Variants in RECQL observed in about 807,000 individuals in gnomAD.
RECQL encodes ATP-dependent DNA helicase Q1.
Under a neutral mutation model 75.8 loss-of-function variants are expected in RECQL, and 73 were observed. That is an observed-to-expected ratio of 0.96 (90% CI 0.80 to 1.17). RECQL has a LOEUF of 1.17. RECQL is among the 50% of genes most tolerant of loss of function. RECQL has a pLI of 0.00. For synonymous variants in RECQL, 248 were observed against 254.4 expected, an observed-to-expected ratio of 0.97 and a Z score of 0.24; for missense variants, 699 against 772.1, an observed-to-expected ratio of 0.91 and a Z score of 1.12.
chr12:21,477,187 TA>T (rs1233245754), intron 7 of RECQL, among the ~76,000 whole-genome samples, 195 bp from the exon 8 acceptor site: 5 of 152,122 alleles, frequency 3.3e-5, no homozygotes, highest in Admixed American at 6.6e-5. Flanking sequence ...TTTATTTTTT[TA>T]ATTTACCAGA....
At chr12:21,491,413 T>G (rs888546055) in intron 3 of RECQL, 106 bp downstream of exon 3, 2 of 1,107,300 alleles carry the variant, frequency 1.8e-6, no homozygotes, top group African/African-American at 3.2e-5. Flanking sequence ...ATGGCCAGTT[T>G]CACCTCTAAG....
intron 6 of RECQL, among the ~76,000 whole-genome samples, chr12:21,478,718 C>T (rs1235230269): frequency 6.6e-6 from 1 of 152,150 alleles, no homozygotes; most frequent in African/African-American, 2.4e-5. Context: ...ATTACATCTC[C>T]CAGAATCTCT....
chr12:21,472,105 A>G (rs1263153273), intron 12 of RECQL, among the ~76,000 whole-genome samples: 3 of 152,126 alleles, frequency 2.0e-5, no homozygotes, highest in Non-Finnish European at 4.4e-5. Flanking sequence ...ATTTTATAAG[A>G]TAGTCTAATA....
chr12:21,499,660 T>C (rs1943569736), intron 1 of RECQL, 45 bp from the exon 2 acceptor site: 1 of 1,016,514 alleles, frequency 9.8e-7, no homozygotes, highest in South Asian at 1.4e-5. Context: ...TTAAAAATAG[T>C]ACTATTAATG....
chr12:21,471,284 A>T, intron 13 of RECQL, 144 bp downstream of exon 13: 1 of 960,166 alleles, frequency 1.0e-6, no homozygotes, highest in Non-Finnish European at 1.5e-6. Context: ...TATAGTGATT[A>T]AAGTTTGAGT....
At chr12:21,478,118 C>G in intron 6 of RECQL, 149 bp from the exon 7 acceptor site, 1 of 634,746 alleles carries the variant, frequency 1.6e-6, no homozygotes, top group East Asian at 3.0e-5. Flanking sequence ...GTGTTAGCCT[C>G]TTTGATGGGC....
chr12:21,489,934 C>T (rs182952320), intron 4 of RECQL, among the ~76,000 whole-genome samples: 10 of 152,182 alleles, frequency 6.6e-5, no homozygotes, highest in African/African-American at 2.2e-4. Flanking sequence ...ACTACTTGGA[C>T]GATGGATCAT....
chr12:21,475,007 A>G (rs1241786210), intron 10 of RECQL, 28 bp from the exon 11 acceptor site: 1 of 1,599,664 alleles, frequency 6.3e-7, no homozygotes, highest in Admixed American at 1.7e-5. Context: ...TTGAGATTGC[A>G]GAATTACATT....
chr12:21,478,177 CAA>C (rs948080985), intron 6 of RECQL, among the ~76,000 whole-genome samples: 2 of 151,922 alleles, frequency 1.3e-5, no homozygotes, highest in Non-Finnish European at 1.5e-5. Flanking sequence ...ACGGTGGACT[CAA>C]GAGACAGTGG....
chr12:21,500,345 A>G (rs765770202), intron 1 of RECQL, among the ~76,000 whole-genome samples: 4 of 152,174 alleles, frequency 2.6e-5, no homozygotes, highest in Non-Finnish European at 5.9e-5. Context: ...ATGGGGCTGG[A>G]GAGTAGAAAC....
rs1259464694 is a variant in RECQL at position 21,471,548 on chromosome 12, A to G, written c.1547T>C (p.Ile516Thr). 2.5e-6 allele frequency: 4 copies of G among 1,612,600 alleles called. No homozygotes were observed. The highest frequency in any genetic ancestry group is 1.7e-5 in the Admixed American group (1 of 59,840). ...TGCACCCTTTCCCATCCAAGAATCA[A>G]TCAGTTTCAATGGAGTGAGTTTTTC... The part of the protein sequence containing the change: ...LNEKLTPLKL[I>T]DSWMGKGAAK... Residue 516 changes from isoleucine (I) to threonine (T), a missense_variant, in exon 13 of 15, where the codon ATT becomes ACT. Physicochemically the swap from Ile to Thr is moderately conservative, Grantham distance 89. Transcript: ENST00000444129.
At chr12:21,483,723 C>A in intron 5 of RECQL, 149 bp from the exon 6 acceptor site, 1 of 614,430 alleles carries the variant, frequency 1.6e-6, no homozygotes, top group Non-Finnish European at 2.8e-6. Context: ...AAAACTGAAA[C>A]CATGTCTCAG....
At chr12:21,494,223 G>A (rs1049525426) in intron 2 of RECQL, among the ~76,000 whole-genome samples, 1 of 152,004 alleles carries the variant, frequency 6.6e-6, no homozygotes, top group Non-Finnish European at 1.5e-5. Context: ...CCATAGGGAG[G>A]GCACCAAACC....
chr12:21,481,063 G>A (rs191432610), intron 6 of RECQL, among the ~76,000 whole-genome samples: 2 of 152,268 alleles, frequency 1.3e-5, no homozygotes, highest in African/African-American at 4.8e-5. Context: ...TCTCCTGACT[G>A]GAACCTAAAT....
intron 5 of RECQL, 126 bp from the exon 6 acceptor site, chr12:21,483,700 T>TA (rs1462187996): frequency 3.7e-4 from 244 of 667,278 alleles, no homozygotes; most frequent in Non-Finnish European, 2.8e-4. Flanking sequence ...TAGGAGCAGA[T>TA]GTTTAGTTCA....
intron 4 of RECQL, among the ~76,000 whole-genome samples, chr12:21,489,647 T>C (rs1943370487): frequency 6.6e-6 from 1 of 152,226 alleles, no homozygotes; most frequent in Admixed American, 6.5e-5. Flanking sequence ...TGATTCTTCT[T>C]CCAGAGCTGC....
At chr12:21,499,884 A>T (rs1188657099) in intron 1 of RECQL, among the ~76,000 whole-genome samples, 1 of 152,234 alleles carries the variant, frequency 6.6e-6, no homozygotes, top group East Asian at 1.9e-4. Context: ...AAACGTATAC[A>T]TGACAAATAC....
rs1465183591 is a variant in RECQL at position 21,477,785 on chromosome 12, G to T, written c.867+18C>A. The T allele has an allele frequency of 1.3e-6, 2 of 1,572,286 alleles. No individual in the cohort carries two copies. The highest frequency in any genetic ancestry group is 1.7e-6 in the Non-Finnish European group (2 of 1,151,262). ...TAATTCTTCACAAAAGTAAGGAATT[G>T]ACATAAAAATTACATACCTCATAAT... On this transcript the variant is annotated intron_variant, in intron 7 of 14. Transcript: ENST00000444129.
chr12:21,489,636 C>T (rs1175983655), intron 4 of RECQL, among the ~76,000 whole-genome samples: 6 of 152,206 alleles, frequency 3.9e-5, no homozygotes, highest in Admixed American at 3.9e-4. Flanking sequence ...TTCAGGTCTA[C>T]TGATTCTTCT....
Sources: allele counts gnomAD v4.1 joint callset (sites outside exome capture counted in the v4.1 genomes callset), GRCh38; gene constraint gnomAD v4.1.1; transcripts MANE v1.5; gene names NCBI Gene and HGNC (gene_info 2026-07-23, HGNC 2026-07-21).